Variants in ANKS1B observed in about 807,000 individuals in gnomAD.
ANKS1B encodes the protein ankyrin repeat and sterile alpha motif domain-containing protein 1B.
ANKS1B carries 36 observed loss-of-function variants against 148.3 expected under a neutral mutation model. The observed-to-expected ratio is 0.24, with a 90% CI of 0.19 to 0.32. ANKS1B has a LOEUF of 0.32. ANKS1B is among the 10% of genes least tolerant of loss of function. The pLI is 1.00. For missense variants in ANKS1B, 1,157 were observed against 1,542.6 expected, an observed-to-expected ratio of 0.75 and a Z score of 4.19; for synonymous variants, 542 against 560.8, an observed-to-expected ratio of 0.97 and a Z score of 0.47.
At chr12:98,813,645 T>C (rs545378581) in intron 19 of ANKS1B, among the ~76,000 whole-genome samples, 1 of 151,572 alleles carries the variant, frequency 6.6e-6, no homozygotes, top group Non-Finnish European at 1.5e-5. Context: ...TGGGTTCAAG[T>C]GATTCTCTCC....
chr12:99,646,635 A>G (rs1231744464), intron 9 of ANKS1B, among the ~76,000 whole-genome samples: 1 of 134,666 alleles, frequency 7.4e-6, no homozygotes, highest in Admixed American at 8.1e-5. Context: ...CCCGGGTGAC[A>G]GAGTGAGACT....
At chr12:98,758,484 T>C (rs889932886) in intron 25 of ANKS1B, among the ~76,000 whole-genome samples, 1 of 152,194 alleles carries the variant, frequency 6.6e-6, no homozygotes, top group Non-Finnish European at 1.5e-5. Context: ...TACTGGCCCA[T>C]TGCCTGGGTC....
intron 17 of ANKS1B, 71 bp from the exon 18 acceptor site, chr12:98,832,207 T>A: frequency 8.0e-7 from 1 of 1,248,274 alleles, no homozygotes; most frequent in Non-Finnish European, 1.1e-6. Context: ...CTAAAACATG[T>A]GGGGTGAAAA....
chr12:99,584,334 T>A (rs966641591), intron 9 of ANKS1B, among the ~76,000 whole-genome samples: 1 of 152,184 alleles, frequency 6.6e-6, no homozygotes, highest in Non-Finnish European at 1.5e-5. Flanking sequence ...GCACCATGGC[T>A]CACATCTGTA....
intron 1 of ANKS1B, among the ~76,000 whole-genome samples, chr12:99,939,990 AAC>A (rs1337816934): frequency 6.6e-6 from 1 of 152,234 alleles, no homozygotes; most frequent in Non-Finnish European, 1.5e-5. Context: ...GCAAATCATT[AAC>A]AGTTAAGACG....
intron 9 of ANKS1B, chr12:99,648,358 G>A (rs200408405): frequency 2.2e-5 from 35 of 1,614,142 alleles, no homozygotes; most frequent in East Asian, 1.3e-4. Context: ...AGTGATTGAC[G>A]TGCACAACCG....
At chr12:99,716,958 C>G (rs943717672) in intron 8 of ANKS1B, among the ~76,000 whole-genome samples, 1 of 152,194 alleles carries the variant, frequency 6.6e-6, no homozygotes, top group Admixed American at 6.5e-5. Flanking sequence ...CATTCCGTGA[C>G]TAGCCCTCAC....
rs10526476 is a variant in ANKS1B at position 99,333,854 on chromosome 12, G to GTTTTTTTTTTTT, written c.1756+65765_1756+65776dup. 3.3e-4 allele frequency among the ~76,000 whole-genome samples: 35 copies of GTTTTTTTTTTTT among 107,452 alleles called. 3 individuals carry two copies. Among genetic ancestry groups the GTTTTTTTTTTTT allele is most frequent in the African/African-American group, 8.0e-4 (20 of 25,098 alleles). The allele number at this position is 107,452 out of a possible 152,430, so 70.5% of individuals were successfully genotyped here. On this transcript the variant is annotated intron_variant, in intron 12 of 26. Transcript: ENST00000683438. ...ATCAAAGTCACATTTCCAGTTCTCA[G>GTTTTTTTTTTTT]TTTTTTTTTTTTTTTTTTTTTAACA...
intron 1 of ANKS1B, among the ~76,000 whole-genome samples, chr12:99,939,350 A>G (rs929271606): frequency 6.6e-6 from 1 of 152,108 alleles, no homozygotes; most frequent in Non-Finnish European, 1.5e-5. Context: ...TCAGCCTCCC[A>G]AAGTGCTGGG....
At chr12:99,423,007 T>C (rs1426485851) in intron 11 of ANKS1B, among the ~76,000 whole-genome samples, 1 of 152,172 alleles carries the variant, frequency 6.6e-6, no homozygotes, top group African/African-American at 2.4e-5. Flanking sequence ...GGCAAAGTAT[T>C]GAGGTAATTC....
At chr12:99,500,463 G>A (rs1302759967) in intron 10 of ANKS1B, among the ~76,000 whole-genome samples, 1 of 152,128 alleles carries the variant, frequency 6.6e-6, no homozygotes, top group African/African-American at 2.4e-5. Flanking sequence ...CATCTTAAAA[G>A]TGTTCCTCTA....
chr12:99,234,882 G>A (rs2087600127), intron 14 of ANKS1B, among the ~76,000 whole-genome samples: 1 of 152,010 alleles, frequency 6.6e-6, no homozygotes. Context: ...CCTTGAGAGG[G>A]AAAAAACTGC....
At chr12:99,847,284 T>C (rs1441478588) in intron 1 of ANKS1B, among the ~76,000 whole-genome samples, 1 of 152,046 alleles carries the variant, frequency 6.6e-6, no homozygotes, top group Non-Finnish European at 1.5e-5. Flanking sequence ...AATCCTTCTG[T>C]CCTTCTGAGC....
chr12:99,728,344 C>T (rs2058812709), intron 8 of ANKS1B, among the ~76,000 whole-genome samples: 1 of 152,124 alleles, frequency 6.6e-6, no homozygotes. Flanking sequence ...CAAAAGAAAA[C>T]ATTTATGTGG....
chr12:99,389,574 C>T (rs9943780), intron 12 of ANKS1B, among the ~76,000 whole-genome samples: 38,149 of 151,758 alleles, frequency 0.25, 5,101 homozygotes, highest in East Asian at 0.48. Flanking sequence ...ATAACTAATA[C>T]GCAGGGAGAT....
At chr12:99,426,078 T>C (rs1256599687) in intron 11 of ANKS1B, among the ~76,000 whole-genome samples, 1 of 152,172 alleles carries the variant, frequency 6.6e-6, no homozygotes, top group African/African-American at 2.4e-5. Context: ...TAATCATTTG[T>C]AACTGTTGTG....
intron 11 of ANKS1B, among the ~76,000 whole-genome samples, chr12:99,411,106 G>A (rs1417362337): frequency 6.6e-6 from 1 of 152,162 alleles, no homozygotes; most frequent in Non-Finnish European, 1.5e-5. Flanking sequence ...GAAATAGGGT[G>A]GAAAGTGGGA....
At chr12:99,294,702 G>A (rs1371059815) in intron 12 of ANKS1B, among the ~76,000 whole-genome samples, 1 of 151,980 alleles carries the variant, frequency 6.6e-6, no homozygotes, top group African/African-American at 2.4e-5. Context: ...TGCCGAGGCT[G>A]GAGTGCAATG....
chr12:99,302,682 A>T (rs2081816445), intron 12 of ANKS1B, among the ~76,000 whole-genome samples: 1 of 152,158 alleles, frequency 6.6e-6, no homozygotes, highest in African/African-American at 2.4e-5. Context: ...TCTCAGTATC[A>T]TCTATCAAAT....
Sources: gnomAD v4.1 joint callset for allele counts (sites outside exome capture counted in the v4.1 genomes callset) on GRCh38, gnomAD v4.1.1 for gene constraint, MANE v1.5 for transcripts, NCBI Gene and HGNC (gene_info 2026-07-23, HGNC 2026-07-21) for gene names.